Variants in ANKRD35 observed in about 807,000 individuals in gnomAD.
ANKRD35 encodes the protein ankyrin repeat domain 35.
In ANKRD35, 102 loss-of-function variants were observed where a neutral mutation model predicts 109.9. The observed-to-expected ratio is 0.93, with a 90% CI of 0.79 to 1.09. The LOEUF (loss-of-function observed/expected upper bound fraction) is 1.09. Ranked by LOEUF, ANKRD35 falls within the 50% of genes least tolerant of loss-of-function variation. ANKRD35 has a pLI of 0.00. For missense variants in ANKRD35, 1,240 were observed against 1,230.1 expected (o/e 1.01, Z -0.12); for synonymous variants, 515 against 512.4 (o/e 1.01, Z -0.07).
intron 7 of ANKRD35, 46 bp from the exon 8 acceptor site, chr1:145,875,052 C>G: frequency 6.5e-7 from 1 of 1,528,014 alleles, no homozygotes; most frequent in South Asian, 1.3e-5. Context: ...ACATGGAACC[C>G]AGAAGTCCTG....
chr1:145,880,855 C>A (rs180928733), intron 1 of ANKRD35, among the ~76,000 whole-genome samples: 1 of 152,324 alleles, frequency 6.6e-6, no homozygotes, highest in East Asian at 1.9e-4. Context: ...CTTTCACATG[C>A]TATTTCAATT....
chr1:145,875,684 G>T (rs1553739924), intron 7 of ANKRD35, among the ~76,000 whole-genome samples: 1 of 152,078 alleles, frequency 6.6e-6, no homozygotes. Flanking sequence ...GAGTAGCTGG[G>T]ACTACAGGCA....
Position 145,866,714 on chromosome 1 carries a change from C to T in ANKRD35, c.*95G>A, listed in dbSNP as rs1653620055. 6.5e-6 allele frequency: 1 copy of T among 152,940 alleles called. No individual in the cohort carries two copies. The highest frequency in any genetic ancestry group is 2.1e-4 in the South Asian group (1 of 4,854). 9.5% of individuals were successfully genotyped at this position (152,940 alleles called of 1,614,324 possible). ...CATACCATTGCCTAGTGGCCAACAC[C>T]CCCGCCCACCACAGCCTGATGAAGC... On this transcript the variant is annotated 3_prime_UTR_variant, in exon 14 of 14. Coordinates refer to ENST00000355594, the MANE Select transcript of ANKRD35 (RefSeq NM_144698.5).
At chr1:145,874,711 C>T (rs1380646854) in intron 8 of ANKRD35, 111 bp downstream of exon 8, 6 of 1,304,444 alleles carry the variant, frequency 4.6e-6, no homozygotes, top group Non-Finnish European at 6.1e-6. Flanking sequence ...CGTAAACTCT[C>T]AACCCAGGTG....
At chr1:145,876,004 A>T in intron 7 of ANKRD35, 136 bp downstream of exon 7, 2 of 690,114 alleles carry the variant, frequency 2.9e-6, no homozygotes, top group Non-Finnish European at 4.8e-6. Context: ...GGAAGGAATG[A>T]GGTTCCCAAG....
intron 9 of ANKRD35, 57 bp downstream of exon 9, chr1:145,874,097 AC>A: frequency 6.2e-7 from 1 of 1,609,792 alleles, no homozygotes; most frequent in Admixed American, 1.7e-5. Context: ...AGGAATAGTC[AC>A]AGTGGGATAG....
In ANKRD35 at chr1:145,872,291, G is replaced by A; in HGVS notation, c.2478C>T (p.Ala826=). The A allele has an allele frequency of 6.2e-7, 1 of 1,612,404 alleles. No homozygotes were observed. Residue 826 remains alanine, a synonymous_variant, in exon 10 of 14, where the codon GCC becomes GCT. Transcript: ENST00000355594. ...QATEEVAELR[A]REAASLRQHE... ...GTTGCCGTAGGCTGGCTGCCTCCCG[G>A]GCCCTTAGCTCAGCCACTTCCTCTG...
At chr1:145,879,691 T>C (rs1486981851) in intron 1 of ANKRD35, among the ~76,000 whole-genome samples, 3 of 152,200 alleles carry the variant, frequency 2.0e-5, no homozygotes, top group Non-Finnish European at 4.4e-5. Context: ...TTTGTCATCA[T>C]GATTAGAGTT....
At chr1:145,877,666 T>C (rs782302718) in intron 4 of ANKRD35, among the ~76,000 whole-genome samples, 6 of 152,174 alleles carry the variant, frequency 3.9e-5, no homozygotes, top group Non-Finnish European at 8.8e-5. Flanking sequence ...AATTTGAACA[T>C]CTCTGTCCTC....
intron 13 of ANKRD35, 63 bp downstream of exon 13, chr1:145,867,224 T>C: frequency 1.7e-6 from 2 of 1,172,346 alleles, no homozygotes; most frequent in South Asian, 1.2e-5. Context: ...TTTCATTCCA[T>C]ACACCTTTCC....
rs1260638408 is a variant in ANKRD35 at position 145,876,142 on chromosome 1, G to T, written c.558C>A (p.Asp186Glu). 8 of 1,613,558 alleles carry T rather than the reference G, an allele frequency of 5.0e-6. No individual in the cohort carries two copies. The highest frequency in any genetic ancestry group is 6.8e-6 in the Non-Finnish European group (8 of 1,179,842). Residue 186 changes from aspartate (D) to glutamate (E), a missense_variant and splice_region_variant, in exon 7 of 14, where the codon GAC becomes GAA. Physicochemically the swap from Asp to Glu is conservative, Grantham distance 45. Transcript: ENST00000355594. ...GARVNVTDKN[D>E]KSALILACEK... ...GTGCATAGACGAGGGGGGCTCACTT[G>T]TCATTCTTGTCTGTAACATTAACTC...
chr1:145,874,836 C>A lies in ANKRD35; in HGVS notation c.731G>T (p.Arg244Leu). 1.6e-5 allele frequency: 26 copies of A among 1,589,530 alleles called. No individual in the cohort carries two copies. Among genetic ancestry groups the A allele is most frequent in the Non-Finnish European group, 2.1e-5 (25 of 1,169,804 alleles). The change falls in exon 8 of 14, where the codon CGG (arginine) becomes CTG (leucine). Residue 244 changes from arginine to leucine, a missense_variant. Transcript: ENST00000355594. ...AGGGCCTTTACCGCCCCGCCGCCGC[C>A]GGCTCAGGGCCTGCTGTAGGTGCCT... ...LWRHLQQALS[R>L]RRRGGQRLVQ... is the part of the protein sequence containing the mutation.
At chr1:145,879,216 G>T in intron 2 of ANKRD35, 42 bp downstream of exon 2, 15 of 1,523,402 alleles carry the variant, frequency 9.8e-6, no homozygotes, top group Non-Finnish European at 1.3e-5. Context: ...GGCTTCAAAA[G>T]GGAGCCACAT....
chr1:145,872,100 T>A lies in ANKRD35; in HGVS notation c.2669A>T (p.Glu890Val). ...CATCTCGCTGGCCTGGCGCTCTTGTTCGGCTGCCTGAGCGGCCAGGTCCCC... is the reference window on the plus strand; with the variant it reads ...CATCTCGCTGGCCTGGCGCTCTTGTACGGCTGCCTGAGCGGCCAGGTCCCC... ...RSGDLAAQAA[E>V]QERQASEMRG... Residue 890 changes from glutamate (E) to valine (V), a missense_variant, in exon 10 of 14, where the codon GAA becomes GTA. By Grantham distance (121) the Glu-to-Val change is moderately radical (BLOSUM62 -2). Transcript: ENST00000355594. The A allele has an allele frequency of 1.2e-6, 2 of 1,613,130 alleles. No homozygotes were observed. The highest frequency in any genetic ancestry group is 1.7e-6 in the Non-Finnish European group (2 of 1,179,668).
chr1:145,879,086 C>T (rs2101714990), intron 2 of ANKRD35, among the ~76,000 whole-genome samples, 172 bp downstream of exon 2: 1 of 152,286 alleles, frequency 6.6e-6, no homozygotes, highest in Admixed American at 6.5e-5. Context: ...TATTTTCTTT[C>T]CTCACTTTGT....
chr1:145,868,500 A>C, intron 10 of ANKRD35, 100 bp from the exon 11 acceptor site: 1 of 925,698 alleles, frequency 1.1e-6, no homozygotes, highest in Non-Finnish European at 1.7e-6. Flanking sequence ...ATATGTGCCA[A>C]TTTTATACAA....
At chr1:145,866,971 G>T (rs1295107363) in intron 13 of ANKRD35, among the ~76,000 whole-genome samples, 1 of 152,032 alleles carries the variant, frequency 6.6e-6, no homozygotes, top group Non-Finnish European at 1.5e-5. Flanking sequence ...GTAGAGTCCT[G>T]CCCTAAGGAA....
chr1:145,876,373 C>G (rs2101711678), intron 6 of ANKRD35, 127 bp from the exon 7 acceptor site: 5 of 1,140,084 alleles, frequency 4.4e-6, no homozygotes, highest in Non-Finnish European at 6.4e-6. Context: ...TCTGAACACT[C>G]CCTTTTGGAG....
At position 145,872,712 on chromosome 1, in the gene ANKRD35, GCCT is replaced by G. The variant is rs1553739063; in HGVS notation, c.2054_2056del (p.Glu685del). 1 of 1,614,096 alleles carries G rather than the reference GCCT, an allele frequency of 6.2e-7. No individual in the cohort carries two copies. Among genetic ancestry groups the G allele is most frequent in the Non-Finnish European group, 8.5e-7 (1 of 1,180,006 alleles). On this transcript the variant is annotated inframe_deletion, in exon 10 of 14. Coordinates refer to ENST00000355594, the MANE Select transcript of ANKRD35 (RefSeq NM_144698.5). ...CAGGAGCTTCCGCAGCTTCTCTGTGGCCTCCTTCTCCATGGCCAGTTCATTTGT... is the reference window on the plus strand; with the variant it reads ...CAGGAGCTTCCGCAGCTTCTCTGTGGCCTTCTCCATGGCCAGTTCATTTGT...
Sources: gnomAD v4.1 joint callset for allele counts (sites outside exome capture counted in the v4.1 genomes callset) on GRCh38, gnomAD v4.1.1 for gene constraint, MANE v1.5 for transcripts, NCBI Gene and HGNC (gene_info 2026-07-23, HGNC 2026-07-21) for gene names.